The following PTPRN2 variants were observed in gnomAD, a reference collection of about 807,000 sequenced individuals.
PTPRN2 encodes protein tyrosine phosphatase receptor type N2.
In PTPRN2, 74 loss-of-function variants were observed where a neutral mutation model predicts 118.8. The observed-to-expected ratio is 0.62, with a 90% CI of 0.52 to 0.76. The LOEUF (loss-of-function observed/expected upper bound fraction) is 0.76, where lower values mean the gene tolerates loss of function less well. Ranked by LOEUF, PTPRN2 falls within the 30% of genes least tolerant of loss-of-function variation. PTPRN2 has a pLI of 0.00. For synonymous variants in PTPRN2, 641 were observed against 608.0 expected, an observed-to-expected ratio of 1.05 and a Z score of -0.80; for missense variants, 1,481 against 1,394.4, an observed-to-expected ratio of 1.06 and a Z score of -0.99.
rs1430647686 is a variant in PTPRN2, at chr7:158,110,852, G to A, written c.1620C>T (p.Pro540=). ...ACTCCACGTCAGCGAACGCACTGCT[G>A]GGCACCTGCAGGAGGCGGGCGACGT... ...VEDVARLLQV[P]SSAFADVEVL... Residue 540 remains proline (P), a synonymous_variant, in exon 10 of 23, where the codon CCC becomes CCT. Transcript: ENST00000389418. The A allele has an allele frequency of 1.3e-6, 2 of 1,589,518 alleles. No homozygotes were observed. Among genetic ancestry groups the A allele is most frequent in the South Asian group, 1.1e-5 (1 of 87,314 alleles).
intron 6 of PTPRN2, among the ~76,000 whole-genome samples, chr7:158,149,103 C>G (rs1210898589): frequency 2.7e-5 from 4 of 146,490 alleles, no homozygotes; most frequent in South Asian, 2.2e-4. Flanking sequence ...TCTCACGCCA[C>G]ACGTCTTTCC....
At chr7:158,533,346 C>T (rs1280792808) in intron 1 of PTPRN2, among the ~76,000 whole-genome samples, 1 of 152,246 alleles carries the variant, frequency 6.6e-6, no homozygotes, top group Admixed American at 6.5e-5. Context: ...TTGCCAAACT[C>T]ACTTGTTGAG....
rs73516677 is a variant in PTPRN2 at position 158,397,305 on chromosome 7, G to A, written c.164-80373C>T. ...CTCTGCAGAGAACCACATGAGCTGC[G>A]CCCATCCAGGATGCTGCCAGGAGCC... is the stretch of plus-strand genomic sequence containing the variant. On this transcript the variant is annotated intron_variant, in intron 2 of 22. Transcript: ENST00000389418. Among the ~76,000 whole-genome samples, 427 of 152,284 alleles carry A rather than the reference G, an allele frequency of 2.8e-3. 1 individual carries two copies. The highest frequency in any genetic ancestry group is 9.6e-3 in the African/African-American group (397 of 41,554).
At chr7:158,385,709 C>G (rs1282991649) in intron 2 of PTPRN2, among the ~76,000 whole-genome samples, 1 of 152,188 alleles carries the variant, frequency 6.6e-6, no homozygotes, top group Non-Finnish European at 1.5e-5. Flanking sequence ...TACTGATGAG[C>G]TACGTGATAC....
At chr7:158,100,497 T>G (rs1469245443) in intron 10 of PTPRN2, among the ~76,000 whole-genome samples, 2 of 152,218 alleles carry the variant, frequency 1.3e-5, no homozygotes, top group African/African-American at 4.8e-5. Flanking sequence ...ATAGTGGCTG[T>G]GCTAGTTTGC....
chr7:158,049,894 T>C (rs1809195627), intron 11 of PTPRN2, among the ~76,000 whole-genome samples: 1 of 114,670 alleles, frequency 8.7e-6, no homozygotes, highest in Non-Finnish European at 1.9e-5. Flanking sequence ...CACAGCAAGA[T>C]TCCATCTCAA....
rs185908611 is a variant in PTPRN2, at chr7:158,140,848, G to T, written c.911-2333C>A. On this transcript the variant is annotated intron_variant, in intron 6 of 22. Coordinates refer to ENST00000389418, the MANE Select transcript of PTPRN2 (RefSeq NM_002847.5). ...CAATAAAGACTCTGCCCTAAAGAAG[G>T]TTCATGGGCCCATTTCCGAGCTTTG... 4.6e-5 allele frequency among the ~76,000 whole-genome samples: 7 copies of T among 152,318 alleles called. No individual in the cohort carries two copies. The East Asian group carries it at 1.4e-3, about 29-fold the overall frequency.
intron 3 of PTPRN2, among the ~76,000 whole-genome samples, chr7:158,218,669 G>C (rs1044604353): frequency 1.3e-5 from 2 of 152,140 alleles, no homozygotes; most frequent in Admixed American, 6.5e-5. Context: ...AGACCCAACT[G>C]TCTGCTGTCT....
intron 3 of PTPRN2, among the ~76,000 whole-genome samples, chr7:158,287,988 T>C (rs1172368222): frequency 1.3e-5 from 2 of 152,164 alleles, no homozygotes; most frequent in Non-Finnish European, 2.9e-5. Context: ...CATACTTAGG[T>C]TCTCCAGTTT....
intron 11 of PTPRN2, among the ~76,000 whole-genome samples, chr7:157,989,593 G>T (rs1309243912): frequency 6.6e-6 from 1 of 151,650 alleles, no homozygotes; most frequent in Non-Finnish European, 1.5e-5. Flanking sequence ...CTGACCAAGT[G>T]CGTCTAAGGG....
At chr7:158,358,577 G>A (rs1489143909) in intron 2 of PTPRN2, among the ~76,000 whole-genome samples, 1 of 152,244 alleles carries the variant, frequency 6.6e-6, no homozygotes, top group East Asian at 1.9e-4. Context: ...GCTGAGGGGT[G>A]GAGAAACAGA....
intron 2 of PTPRN2, among the ~76,000 whole-genome samples, chr7:158,332,790 T>A (rs1322353257): frequency 2.6e-5 from 4 of 151,358 alleles, no homozygotes; most frequent in African/African-American, 9.8e-5. Flanking sequence ...CCATAAGAGC[T>A]GATGCCTGCA....
chr7:157,685,993 G>A (rs956099230), intron 12 of PTPRN2, among the ~76,000 whole-genome samples: 2 of 152,092 alleles, frequency 1.3e-5, no homozygotes, highest in African/African-American at 4.8e-5. Context: ...AGAGGCCGGG[G>A]GAGGCCCGGA....
chr7:157,804,691 G>A (rs1003521421), intron 12 of PTPRN2, among the ~76,000 whole-genome samples: 14 of 152,134 alleles, frequency 9.2e-5, no homozygotes, highest in Middle Eastern at 3.4e-3. Context: ...GACCCTTCTC[G>A]CCCTACTGGG....
chr7:157,905,485 G>A (rs1180231581), intron 11 of PTPRN2, among the ~76,000 whole-genome samples: 1 of 152,090 alleles, frequency 6.6e-6, no homozygotes, highest in South Asian at 2.1e-4. Flanking sequence ...CAAAAAAGAA[G>A]TCCTTTAAAA....
At chr7:157,820,968 T>C (rs1806799562) in intron 12 of PTPRN2, among the ~76,000 whole-genome samples, 1 of 151,530 alleles carries the variant, frequency 6.6e-6, no homozygotes. Context: ...CCTGGTGGAG[T>C]CTCCCACGCT....
intron 4 of PTPRN2, among the ~76,000 whole-genome samples, chr7:158,197,141 G>A (rs565875848): frequency 6.6e-6 from 1 of 152,318 alleles, no homozygotes; most frequent in Non-Finnish European, 1.5e-5. Context: ...ACAGCACTGT[G>A]GCATCACCCA....
At chr7:158,002,958 T>C (rs1378748320) in intron 11 of PTPRN2, among the ~76,000 whole-genome samples, 3 of 151,820 alleles carry the variant, frequency 2.0e-5, no homozygotes, top group African/African-American at 7.3e-5. Flanking sequence ...GCAGCACAAG[T>C]GGGGGTCTGC....
At chr7:157,572,118 G>A (rs895174781) in intron 19 of PTPRN2, among the ~76,000 whole-genome samples, 4 of 152,116 alleles carry the variant, frequency 2.6e-5, no homozygotes, top group Admixed American at 6.5e-5. Flanking sequence ...AATTAGAAAT[G>A]AGCATATATT....
Sources: gnomAD v4.1 joint callset for allele counts (sites outside exome capture counted in the v4.1 genomes callset) on GRCh38, gnomAD v4.1.1 for gene constraint, MANE v1.5 for transcripts, NCBI Gene and HGNC (gene_info 2026-07-23, HGNC 2026-07-21) for gene names.